The following ATF7 variants were observed in gnomAD, a reference collection of about 807,000 sequenced individuals.
ATF7 encodes activating transcription factor 7, also known as cyclic AMP-dependent transcription factor ATF-7.
Under a neutral mutation model 50.4 loss-of-function variants are expected in ATF7, and 10 were observed. The ratio of observed to expected loss-of-function variants is 0.20; its 90% confidence interval spans 0.12 to 0.34. The LOEUF is 0.34. ATF7 is among the 10% of genes least tolerant of loss of function. ATF7 has a pLI of 1.00. For synonymous variants in ATF7, 201 were observed against 226.4 expected, an observed-to-expected ratio of 0.89 and a Z score of 1.01; for missense variants, 465 against 613.9, an observed-to-expected ratio of 0.76 and a Z score of 2.56.
At chr12:53,608,430 G>C (rs191969615) in intron 1 of ATF7, among the ~76,000 whole-genome samples, 2 of 152,046 alleles carry the variant, frequency 1.3e-5, no homozygotes, top group African/African-American at 4.8e-5. Context: ...CAAACACGGT[G>C]GAAACTCGTT....
intron 2 of ATF7, among the ~76,000 whole-genome samples, chr12:53,589,326 T>C (rs1942850691): frequency 6.6e-6 from 1 of 152,218 alleles, no homozygotes; most frequent in Admixed American, 6.5e-5. Flanking sequence ...TAAAGTACTT[T>C]GGCAGAGTAC....
Position 53,517,287 on chromosome 12 carries a change from T to G in ATF7, c.1302A>C (p.Thr434=). The change falls in exon 12 of 12, where the codon ACA becomes ACC. Residue 434 remains threonine, a synonymous_variant. Coordinates refer to ENST00000420353, the MANE Select transcript of ATF7 (RefSeq NM_006856.3). ...GAACACTGAGGCCATTGCTAGGGGCTGTTGCTGAGCTGTGCTGAATCACAG... is the reference window on the plus strand; with the variant it reads ...GAACACTGAGGCCATTGCTAGGGGCGGTTGCTGAGCTGTGCTGAATCACAG... ...PAPVIQHSSA[T]APSNGLSVRS... is the part of the protein sequence containing the mutation. 2 of 1,614,044 alleles carry G rather than the reference T, an allele frequency of 1.2e-6. No homozygotes were observed. Among genetic ancestry groups the G allele is most frequent in the South Asian group, 2.2e-5 (2 of 91,088 alleles).
At chr12:53,587,843 A>ATATATATT in intron 2 of ATF7, among the ~76,000 whole-genome samples, 2,314 of 61,426 alleles carry the variant, frequency 0.038, 119 homozygotes, top group Non-Finnish European at 0.059. Flanking sequence ...ATATATATAT[A>ATATATATT]TTTTTTTTTT....
chr12:53,581,490 T>G (rs1942423603), intron 2 of ATF7, among the ~76,000 whole-genome samples: 1 of 152,186 alleles, frequency 6.6e-6, no homozygotes, highest in Non-Finnish European at 1.5e-5. Flanking sequence ...ACACAATGTC[T>G]GCCCTCAAAC....
intron 11 of ATF7, chr12:53,522,829 T>C (rs1302373658): frequency 6.3e-6 from 1 of 158,198 alleles, no homozygotes; most frequent in African/African-American, 2.4e-5. Flanking sequence ...ATCGTGCCAC[T>C]GCACTCCAGC....
chr12:53,620,186 C>T (rs1399522352), intron 1 of ATF7, among the ~76,000 whole-genome samples: 1 of 152,026 alleles, frequency 6.6e-6, no homozygotes, highest in Non-Finnish European at 1.5e-5. Flanking sequence ...CGCCTGTAAT[C>T]CTAGCACTTT....
rs1938324002 is a variant in ATF7 at position 53,524,515 on chromosome 12, C to T, written c.1125+49G>A. On this transcript the variant is annotated intron_variant, in intron 10 of 11. Transcript: ENST00000420353. This position sits in a 1 kb window ranked among gnomAD's most constrained non-coding sequence, Gnocchi z 4.6. ...GTACCACTTTTTTCTGATTCCATCC[C>T]ACTTTCTGGATTTTCAACAATTCCA... 4 of 1,599,530 alleles carry T rather than the reference C, an allele frequency of 2.5e-6. No individual in the cohort carries two copies. The highest frequency in any genetic ancestry group is 3.4e-6 in the Non-Finnish European group (4 of 1,171,660).
intron 2 of ATF7, among the ~76,000 whole-genome samples, chr12:53,576,415 A>G (rs764899874): frequency 4.6e-5 from 7 of 152,166 alleles, no homozygotes; most frequent in Non-Finnish European, 7.3e-5. Flanking sequence ...CCAATGTAAC[A>G]TTATTAAGAG....
chr12:53,612,111 G>A (rs1943905774), intron 1 of ATF7, among the ~76,000 whole-genome samples: 1 of 147,538 alleles, frequency 6.8e-6, no homozygotes, highest in Non-Finnish European at 1.5e-5. Context: ...GAGCACCTGG[G>A]GCTACGGGCT....
chr12:53,519,481 C>G (rs1433032008), intron 11 of ATF7, among the ~76,000 whole-genome samples: 1 of 152,032 alleles, frequency 6.6e-6, no homozygotes, highest in African/African-American at 2.4e-5. Context: ...GTGGGCAGAT[C>G]ACATGAAGCC....
At chr12:53,606,578 T>C (rs1943616991) in intron 1 of ATF7, among the ~76,000 whole-genome samples, 1 of 152,012 alleles carries the variant, frequency 6.6e-6, no homozygotes, top group African/African-American at 2.4e-5. Context: ...TTTAATATTA[T>C]TATACTTTAA....
intron 1 of ATF7, among the ~76,000 whole-genome samples, chr12:53,604,318 T>C (rs930330718): frequency 1.3e-5 from 2 of 152,170 alleles, no homozygotes; most frequent in Admixed American, 6.5e-5. Flanking sequence ...GTTACGTAAA[T>C]GCTGGGAGAG....
chr12:53,548,042 T>C (rs560790337), intron 3 of ATF7, among the ~76,000 whole-genome samples: 59 of 152,012 alleles, frequency 3.9e-4, no homozygotes, highest in Non-Finnish European at 6.2e-4. Flanking sequence ...TAGCTATTTT[T>C]TTTGGTAGAG....
chr12:53,572,671 G>A (rs1185562548), intron 2 of ATF7, among the ~76,000 whole-genome samples: 1 of 152,184 alleles, frequency 6.6e-6, no homozygotes, highest in Non-Finnish European at 1.5e-5. Context: ...TACTGGTCGA[G>A]TAAGGTGGCT....
intron 9 of ATF7, among the ~76,000 whole-genome samples, chr12:53,525,839 C>T (rs1295469799): frequency 6.6e-6 from 1 of 152,096 alleles, no homozygotes; most frequent in Non-Finnish European, 1.5e-5. Context: ...AAAGGTCAAC[C>T]ATCTGTAGAA....
intron 1 of ATF7, among the ~76,000 whole-genome samples, chr12:53,616,672 G>A (rs1944132472): frequency 6.6e-6 from 1 of 152,092 alleles, no homozygotes; most frequent in Non-Finnish European, 1.5e-5. Flanking sequence ...GCCGGGTGCG[G>A]TGGCTCATTC....
chr12:53,517,454 A>G, intron 11 of ATF7, 100 bp from the exon 12 acceptor site: 1 of 1,180,374 alleles, frequency 8.5e-7, no homozygotes, highest in Non-Finnish European at 1.2e-6. Flanking sequence ...AGGAGCCCAA[A>G]AGGGAAATGA....
intron 2 of ATF7, among the ~76,000 whole-genome samples, chr12:53,591,869 C>T (rs527434633): frequency 6.6e-6 from 1 of 152,322 alleles, no homozygotes; most frequent in East Asian, 1.9e-4. Flanking sequence ...TCAAAGGACA[C>T]AGCAAGGCTG....
chr12:53,574,161 C>T (rs1469406541), intron 2 of ATF7, among the ~76,000 whole-genome samples: 1 of 152,022 alleles, frequency 6.6e-6, no homozygotes, highest in African/African-American at 2.4e-5. Flanking sequence ...TCCAGGAATT[C>T]CAAAACACTA....
Sources: gnomAD v4.1 joint callset for allele counts (sites outside exome capture counted in the v4.1 genomes callset) on GRCh38, gnomAD v4.1.1 for gene constraint, Gnocchi (gnomAD v3.1) non-coding constraint, MANE v1.5 for transcripts, NCBI Gene and HGNC (gene_info 2026-07-23, HGNC 2026-07-21) for gene names.